Variants in ATP6V1D observed in about 807,000 individuals in gnomAD.
ATP6V1D encodes V-type proton ATPase subunit D.
Under a neutral mutation model 39.4 loss-of-function variants are expected in ATP6V1D, and 20 were observed. The ratio of observed to expected loss-of-function variants is 0.51; its 90% CI spans 0.36 to 0.74. ATP6V1D has a LOEUF of 0.74. Among genes scored for constraint, ATP6V1D ranks in the 30% least tolerant of loss-of-function variants. The probability of loss-of-function intolerance (pLI) is 0.00; values close to 1 mark genes in which losing one functional copy is unlikely to be tolerated. For missense variants in ATP6V1D, 228 were observed against 291.6 expected, an observed-to-expected ratio of 0.78 and a Z score of 1.59; for synonymous variants, 100 against 100.5, an observed-to-expected ratio of 0.99 and a Z score of 0.03.
In ATP6V1D at chr14:67,338,648, C is replaced by T. The variant is rs771836108; in HGVS notation, c.717G>A (p.Glu239=). 1.9e-6 allele frequency: 3 copies of T among 1,614,102 alleles called. No individual in the cohort carries two copies. The highest frequency in any genetic ancestry group is 2.2e-5 in the East Asian group (1 of 44,864). ...ATTCAAATAGAAGATCCTCGTCCTT[C>T]TCTTCAGCCAGAAGATTAGCAGGCT... ...VLEPANLLAE[E]KDEDLLFE is the part of the protein sequence containing the mutation. Residue 239 remains glutamate, a synonymous_variant, in exon 9 of 9, where the codon GAG becomes GAA. Transcript: ENST00000216442.
chr14:67,354,956 G>A (rs374354659), intron 1 of ATP6V1D, among the ~76,000 whole-genome samples: 1 of 152,126 alleles, frequency 6.6e-6, no homozygotes, highest in East Asian at 1.9e-4. Context: ...TGGGATTACA[G>A]GCATGCGTCA....
At chr14:67,344,491 C>T (rs1465456595) in intron 6 of ATP6V1D, among the ~76,000 whole-genome samples, 1 of 152,018 alleles carries the variant, frequency 6.6e-6, no homozygotes, top group Non-Finnish European at 1.5e-5. Context: ...TACTAACTGG[C>T]CACATAGGGG....
chr14:67,355,449 C>CAAAAAAAAAAAAAAAAAAAAA (rs564931669), intron 1 of ATP6V1D, among the ~76,000 whole-genome samples: 1 of 18,944 alleles, frequency 5.3e-5, no homozygotes, highest in Non-Finnish European at 1.1e-4. Flanking sequence ...GACCCTGTCT[C>CAAAAAAAAAAAAAAAAAAAAA]AAAAAAAAAA....
intron 7 of ATP6V1D, among the ~76,000 whole-genome samples, chr14:67,341,396 G>T (rs1226788329): frequency 6.6e-6 from 1 of 151,452 alleles, no homozygotes; most frequent in African/African-American, 2.4e-5. Flanking sequence ...CCCTCCGCCC[G>T]GCAGCCGCCC....
chr14:67,339,236 A>C (rs1282283363), intron 8 of ATP6V1D, among the ~76,000 whole-genome samples: 2 of 152,054 alleles, frequency 1.3e-5, no homozygotes, highest in Non-Finnish European at 2.9e-5. Flanking sequence ...TGACCTTGTG[A>C]TCCACCCGCC....
At chr14:67,352,685 A>G in intron 2 of ATP6V1D, 1 of 374,588 alleles carries the variant, frequency 2.7e-6, no homozygotes, top group Non-Finnish European at 4.8e-6. Context: ...TGCTCTAAAT[A>G]AGGTAAGAGA....
Position 67,338,662 on chromosome 14 carries a change from G to A in ATP6V1D, c.703C>T (p.Leu235Phe). 19 of 1,614,098 alleles carry A rather than the reference G, an allele frequency of 1.2e-5. No homozygotes were observed. The highest frequency in any genetic ancestry group is 1.6e-5 in the Non-Finnish European group (19 of 1,179,974). The change falls in exon 9 of 9, where the codon CTT becomes TTT. Residue 235 changes from leucine (L) to phenylalanine (F), a missense_variant. Leu to Phe is a conservative substitution (Grantham distance 22). Transcript: ENST00000216442. ...TCCTCGTCCTTCTCTTCAGCCAGAA[G>A]ATTAGCAGGCTCCAACACCTCTCCA... ...AAGEVLEPAN[L>F]LAEEKDEDLL...
At chr14:67,349,227 A>G (rs1021449172) in intron 3 of ATP6V1D, 123 bp from the exon 4 acceptor site, 24 of 945,468 alleles carry the variant, frequency 2.5e-5, no homozygotes, top group South Asian at 5.0e-5. Context: ...GTATGTTTTG[A>G]TAACTGTCCT....
At chr14:67,340,846 G>C (rs555143187) in intron 7 of ATP6V1D, among the ~76,000 whole-genome samples, 182 of 152,288 alleles carry the variant, frequency 1.2e-3, no homozygotes, top group Middle Eastern at 3.4e-3. Flanking sequence ...ACTGGTTTTC[G>C]TATTTTTTTG....
intron 2 of ATP6V1D, among the ~76,000 whole-genome samples, chr14:67,351,228 G>C (rs1011656684): frequency 2.0e-5 from 3 of 152,078 alleles, no homozygotes; most frequent in African/African-American, 7.2e-5. Flanking sequence ...AGAGGATTCA[G>C]AAACAACCCC....
At position 67,349,179 on chromosome 14, in the gene ATP6V1D, A is replaced by T. The variant is rs561338180; in HGVS notation, c.240-75T>A. 1.2e-5 allele frequency: 16 copies of T among 1,387,580 alleles called. No homozygotes were observed. In the South Asian group the frequency reaches 1.9e-4, roughly 17 times the overall value. 86.0% of individuals were successfully genotyped at this position (1,387,580 alleles called of 1,614,324 possible). A position where few individuals can be genotyped will look rare whatever the true frequency, so the allele number is the denominator to read the frequency against. On this transcript the variant is annotated intron_variant, in intron 3 of 8. Coordinates refer to ENST00000216442, the MANE Select transcript of ATP6V1D (RefSeq NM_015994.4). ...CTACAGGGACCCACTGGATAGTTTT[A>T]ACATTAAATGAGACCAAGAGTGAGA...
chr14:67,349,211 A>G, intron 3 of ATP6V1D, 107 bp from the exon 4 acceptor site: 1 of 1,074,520 alleles, frequency 9.3e-7, no homozygotes, highest in South Asian at 1.5e-5. Context: ...GAGATGTCAC[A>G]ATTAAGTATG....
chr14:67,340,088 G>C (rs1003498387), intron 8 of ATP6V1D: 1 of 172,982 alleles, frequency 5.8e-6, no homozygotes, highest in Non-Finnish European at 1.2e-5. Flanking sequence ...AAGGTAATGA[G>C]TTCTCTCTAT....
At chr14:67,341,555 G>C (rs1431829543) in intron 7 of ATP6V1D, among the ~76,000 whole-genome samples, 1 of 151,020 alleles carries the variant, frequency 6.6e-6, no homozygotes, top group Non-Finnish European at 1.5e-5. Flanking sequence ...CCGTCCGGGA[G>C]GGAGGTGGGG....
chr14:67,344,752 C>T (rs887274819), intron 6 of ATP6V1D, among the ~76,000 whole-genome samples: 1 of 151,626 alleles, frequency 6.6e-6, no homozygotes, highest in Non-Finnish European at 1.5e-5. Flanking sequence ...CGAGGTGGCA[C>T]AAACTTGTAG....
intron 3 of ATP6V1D, 49 bp from the exon 4 acceptor site, chr14:67,349,153 C>G: frequency 6.5e-7 from 1 of 1,535,532 alleles, no homozygotes; most frequent in Non-Finnish European, 9.0e-7. Context: ...CAGAAATAAA[C>G]CTACAGGGAC....
rs952261098 is a variant in ATP6V1D at position 67,340,101 on chromosome 14, C to T, written c.602+339G>A. 4.2e-4 allele frequency: 84 copies of T among 200,226 alleles called. 1 individual carries two copies. Among genetic ancestry groups the T allele is most frequent in the African/African-American group, 1.8e-3 (78 of 42,722 alleles). The allele number at this position is 200,226 out of a possible 1,614,324, so 12.4% of individuals were successfully genotyped here. On this transcript the variant is annotated intron_variant, in intron 8 of 8. Coordinates refer to ENST00000216442, the MANE Select transcript of ATP6V1D (RefSeq NM_015994.4). ...CAAAGGTAATGAGTTCTCTCTATTA[C>T]GCACAATCAGTTACAGATCAAACTC... is the stretch of plus-strand genomic sequence containing the variant.
chr14:67,352,800 T>C, intron 2 of ATP6V1D, 123 bp downstream of exon 2: 1 of 662,906 alleles, frequency 1.5e-6, no homozygotes, highest in East Asian at 2.8e-5. Flanking sequence ...GTTAAACTTA[T>C]AATGGTATTT....
At chr14:67,350,575 T>C in intron 3 of ATP6V1D, 36 bp downstream of exon 3, 2 of 1,556,130 alleles carry the variant, frequency 1.3e-6, no homozygotes, top group Non-Finnish European at 1.8e-6. Context: ...GAAATCACTT[T>C]GTTTTGCTTC....
Sources: gnomAD v4.1 joint callset for allele counts (sites outside exome capture counted in the v4.1 genomes callset) on GRCh38, gnomAD v4.1.1 for gene constraint, MANE v1.5 for transcripts, NCBI Gene and HGNC (gene_info 2026-07-23, HGNC 2026-07-21) for gene names.